The following TGM4 variants were observed in gnomAD, a reference collection of about 807,000 sequenced individuals.
The protein encoded by TGM4 is protein-glutamine gamma-glutamyltransferase 4.
TGM4 carries 61 observed loss-of-function variants against 76.3 expected under a neutral mutation model. The ratio of observed to expected loss-of-function variants is 0.80; its 90% confidence interval spans 0.65 to 0.99. The LOEUF (loss-of-function observed/expected upper bound fraction) is 0.99, where lower values mean the gene tolerates loss of function less well. Among genes scored for constraint, TGM4 ranks in the 50% least tolerant of loss-of-function variants. The probability of loss-of-function intolerance (pLI) is 0.00; values close to 1 mark genes in which losing one functional copy is unlikely to be tolerated. For missense variants in TGM4, 794 were observed against 843.2 expected (o/e 0.94, Z 0.72); for synonymous variants, 337 against 329.8 (o/e 1.02, Z -0.24).
At chr3:44,897,816 T>C (rs1699799929) in intron 6 of TGM4, among the ~76,000 whole-genome samples, 1 of 152,236 alleles carries the variant, frequency 6.6e-6, no homozygotes, top group Non-Finnish European at 1.5e-5. Flanking sequence ...AAACCTATGT[T>C]TTTCGAAGCA....
intron 6 of TGM4, 132 bp downstream of exon 6, chr3:44,896,948 C>A: frequency 3.5e-6 from 2 of 579,470 alleles, no homozygotes; most frequent in Non-Finnish European, 3.0e-6. Flanking sequence ...TTGTTCAAAA[C>A]TATTAAGAAA....
chr3:44,885,585 G>T, intron 2 of TGM4, 87 bp downstream of exon 2: 1 of 1,440,392 alleles, frequency 6.9e-7, no homozygotes, highest in Non-Finnish European at 9.4e-7. Flanking sequence ...TGGTCAGTCT[G>T]AGCCAGGAGT....
At chr3:44,884,628 C>T (rs1317656249) in intron 1 of TGM4, among the ~76,000 whole-genome samples, 1 of 152,124 alleles carries the variant, frequency 6.6e-6, no homozygotes, top group Non-Finnish European at 1.5e-5. Flanking sequence ...AACCACTGCA[C>T]CTGGCCTTAA....
Position 44,903,919 on chromosome 3 carries a change from GA to G in TGM4, c.1008del (p.Pro337ArgfsTer32). 2 of 1,614,146 alleles carry G rather than the reference GA, an allele frequency of 1.2e-6. No individual in the cohort carries two copies. Among genetic ancestry groups the G allele is most frequent in the African/African-American group, 2.7e-5 (2 of 75,036 alleles). ...GTGTGGACGGATGCCTGGATGAAGC[GA>G]CCGGATCTGCCCAAGGGCTACGACG... ...FHVWTDAWMK[R>X]PDLPKGYDGW... On this transcript the variant is annotated frameshift_variant, in exon 9 of 14. Transcript: ENST00000296125. LOFTEE classifies it high-confidence loss of function.
chr3:44,882,388 G>C (rs1251762541), intron 1 of TGM4, among the ~76,000 whole-genome samples: 22 of 152,220 alleles, frequency 1.4e-4, no homozygotes, highest in Admixed American at 1.4e-3. Context: ...TGTGCTGTAT[G>C]TTGGTTTCTT....
intron 8 of TGM4, among the ~76,000 whole-genome samples, chr3:44,902,837 G>C (rs1043910244): frequency 6.6e-6 from 1 of 152,180 alleles, no homozygotes; most frequent in African/African-American, 2.4e-5. Flanking sequence ...AGCTAAAATT[G>C]ACCACAAGAT....
intron 2 of TGM4, 99 bp downstream of exon 2, chr3:44,885,597 C>A: frequency 6.4e-6 from 8 of 1,258,716 alleles, no homozygotes; most frequent in South Asian, 1.5e-5. Context: ...GCCAGGAGTG[C>A]CTTACCCTCC....
In TGM4 at chr3:44,896,845, G is replaced by A. The variant is rs546007181; in HGVS notation, c.657+29G>A. On this transcript the variant is annotated intron_variant, in intron 6 of 13. Transcript: ENST00000296125. ...GGTATGGAAAGCCTGGGCTGATGCT[G>A]TCTTGTACTTGCCAATTGCTCAGCC... 11 of 1,588,828 alleles carry A rather than the reference G, an allele frequency of 6.9e-6. No individual in the cohort carries two copies. The South Asian group carries it at 7.7e-5, about 11-fold the overall frequency.
chr3:44,886,902 C>G (rs753444229), intron 2 of TGM4, among the ~76,000 whole-genome samples: 1 of 152,218 alleles, frequency 6.6e-6, no homozygotes, highest in Non-Finnish European at 1.5e-5. Flanking sequence ...AGCAGCAGGT[C>G]AGGGCGGGGC....
At chr3:44,890,031 A>T (rs1450917392) in intron 3 of TGM4, among the ~76,000 whole-genome samples, 3 of 152,216 alleles carry the variant, frequency 2.0e-5, no homozygotes, top group Non-Finnish European at 4.4e-5. Context: ...ACATGGTAGC[A>T]GGTGAGAGAG....
intron 5 of TGM4, 61 bp downstream of exon 5, chr3:44,893,756 G>A: frequency 7.1e-7 from 1 of 1,411,436 alleles, no homozygotes; most frequent in Non-Finnish European, 1.0e-6. Flanking sequence ...CCTTTTAGCT[G>A]GGTAGTAGTC....
Position 44,879,265 on chromosome 3 carries a change from C to CTCTA in TGM4, c.19+4569_19+4570insCTAT, listed in dbSNP as rs1482970491. ...TCTCTCTCTCTCTCTCTCTCTCTCTCTATATATATATATATATATATAGTT... is the reference window on the plus strand; with the variant it reads ...TCTCTCTCTCTCTCTCTCTCTCTCTCTCTATATATATATATATATATATATAGTT... On this transcript the variant is annotated intron_variant, in intron 1 of 13. Transcript: ENST00000296125. Among the ~76,000 whole-genome samples the CTCTA allele has an allele frequency of 4.6e-3, 427 of 92,234 alleles. 3 individuals are homozygous for CTCTA. The highest frequency in any genetic ancestry group is 8.0e-3 in the African/African-American group (182 of 22,630). The allele number at this position is 92,234 out of a possible 152,430, so 60.5% of individuals were successfully genotyped here.
At chr3:44,881,257 G>C (rs1447081559) in intron 1 of TGM4, among the ~76,000 whole-genome samples, 5 of 151,782 alleles carry the variant, frequency 3.3e-5, no homozygotes, top group Non-Finnish European at 4.4e-5. Flanking sequence ...TTTTTGTCCT[G>C]ATCATTTATT....
chr3:44,892,285 T>A (rs180711550), intron 4 of TGM4, among the ~76,000 whole-genome samples: 13,275 of 149,816 alleles, frequency 0.089, 672 homozygotes, highest in South Asian at 0.17. Context: ...TAAATAAAAA[T>A]AAATAATTAA....
At chr3:44,888,192 A>T in intron 3 of TGM4, 1 of 200,692 alleles carries the variant, frequency 5.0e-6, no homozygotes, top group Non-Finnish European at 1.0e-5. Flanking sequence ...TCACTTGACA[A>T]GACCTAATGG....
chr3:44,882,296 A>G (rs1448561290), intron 1 of TGM4, among the ~76,000 whole-genome samples: 1 of 152,140 alleles, frequency 6.6e-6, no homozygotes, highest in Non-Finnish European at 1.5e-5. Flanking sequence ...AGCCTCCCAG[A>G]TCTGCCTTAA....
At chr3:44,895,252 G>A (rs890471802) in intron 5 of TGM4, among the ~76,000 whole-genome samples, 6 of 152,142 alleles carry the variant, frequency 3.9e-5, no homozygotes, top group African/African-American at 7.2e-5. Flanking sequence ...CCGAGATGGC[G>A]CCACTGTACT....
In TGM4 at chr3:44,896,112, A is replaced by T. The variant is rs887653228; in HGVS notation, c.550-597A>T. Among the ~76,000 whole-genome samples, 7 of 151,442 alleles carry T rather than the reference A, an allele frequency of 4.6e-5. No individual in the cohort carries two copies. The East Asian group carries it at 5.8e-4, about 13-fold the overall frequency. ...TTTATTCATTTATTTATTTATTTTT[A>T]TTATTATTATTTTTTTGAGACAGAG... On this transcript the variant is annotated intron_variant, in intron 5 of 13. Transcript: ENST00000296125.
chr3:44,911,783 T>A (rs1453582859), intron 13 of TGM4, among the ~76,000 whole-genome samples: 2 of 152,206 alleles, frequency 1.3e-5, no homozygotes, highest in Admixed American at 1.3e-4. Flanking sequence ...GAGTGTTATG[T>A]GCTGTGAATT....
Sources: gnomAD v4.1 joint callset for allele counts (sites outside exome capture counted in the v4.1 genomes callset) on GRCh38, gnomAD v4.1.1 for gene constraint, MANE v1.5 for transcripts, NCBI Gene and HGNC (gene_info 2026-07-23, HGNC 2026-07-21) for gene names.